ZNF280C: variants seen among roughly 807,000 people sequenced by gnomAD.
ZNF280C encodes suppressor of hairy wing homolog 3.
In ZNF280C, 14 loss-of-function variants were observed where a neutral mutation model predicts 53.6. The observed-to-expected ratio is 0.26, with a 90% CI of 0.17 to 0.41. ZNF280C has a LOEUF of 0.41. Among genes scored for constraint, ZNF280C ranks in the 10% least tolerant of loss-of-function variants. The pLI, the probability that ZNF280C is intolerant of heterozygous loss-of-function variation, is 1.00. For synonymous variants in ZNF280C, 203 were observed against 181.1 expected (o/e 1.12, Z -0.97); for missense variants, 416 against 547.1 (o/e 0.76, Z 2.39).
Position 130,236,279 on chromosome X carries a change from G to A in ZNF280C, c.706C>T (p.Leu236=). ...ACATTGCACTTTGGACAAGCTCTTA[G>A]GTAATCTGCTCCAGCATCATATGGA... ...SSPYDAGADY[L]RACPKCNVQF... Residue 236 remains leucine, a synonymous_variant, in exon 8 of 19, where the codon CTA becomes TTA. Coordinates refer to ENST00000370978, the MANE Select transcript of ZNF280C (RefSeq NM_017666.5). 8.3e-7 allele frequency: 1 copy of A among 1,206,971 alleles called. No homozygotes were observed. The highest frequency in any genetic ancestry group is 1.1e-6 in the Non-Finnish European group (1 of 892,943).
In ZNF280C at chrX:130,202,993, GTTT is replaced by G. The variant is rs1403464678; in HGVS notation, c.*1981_*1983del. 3 of 111,609 alleles carry G rather than the reference GTTT, an allele frequency of 2.7e-5. No homozygotes were observed. Among genetic ancestry groups the G allele is most frequent in the Non-Finnish European group, 5.6e-5 (3 of 53,168 alleles). 9.2% of individuals were successfully genotyped at this position (111,609 alleles called of 1,213,427 possible). A position where few individuals can be genotyped will look rare whatever the true frequency, so the allele number is the denominator to read the frequency against. On this transcript the variant is annotated 3_prime_UTR_variant, in exon 19 of 19. Transcript: ENST00000370978. ...GTATAGAAATGTAACTTTAAAACTT[GTTT>G]TAAGTTCTGTAAGAAGAGTTTTGCC... is the stretch of plus-strand genomic sequence containing the variant.
Position 130,218,776 on chromosome X carries a change from TTGTCTA to T in ZNF280C, c.1527+1567_1527+1572del, listed in dbSNP as rs1286468211. 5.2e-4 allele frequency among the ~76,000 whole-genome samples: 58 copies of T among 112,129 alleles called. 1 individual carries two copies. The highest frequency in any genetic ancestry group is 1.9e-3 in the African/African-American group (58 of 30,923). On this transcript the variant is annotated intron_variant, in intron 13 of 18. Coordinates refer to ENST00000370978, the MANE Select transcript of ZNF280C (RefSeq NM_017666.5). ...CTCTAATATGGGGATAATACTTGCCTTGTCTATATCACTGGATCACCACATAGGTTA... is the reference window on the plus strand; with the variant it reads ...CTCTAATATGGGGATAATACTTGCCTTATCACTGGATCACCACATAGGTTA...
At chrX:130,228,898 C>T in intron 10 of ZNF280C, 79 bp downstream of exon 10, 1 of 959,037 alleles carries the variant, frequency 1.0e-6, no homozygotes. Context: ...TTTTTTTCTG[C>T]CAGAATTTTT....
At chrX:130,262,338 C>G (rs2032639238) in intron 1 of ZNF280C, among the ~76,000 whole-genome samples, 2 of 112,340 alleles carry the variant, frequency 1.8e-5, no homozygotes, top group African/African-American at 6.5e-5. Context: ...TGGTTAGCGA[C>G]TACTATAGTG....
intron 9 of ZNF280C, 79 bp from the exon 10 acceptor site, chrX:130,229,213 A>G (rs1270789650): frequency 1.2e-5 from 11 of 953,381 alleles, no homozygotes; most frequent in African/African-American, 1.9e-5. Context: ...CTCTGAAAAT[A>G]AATTTTTAAA....
chrX:130,227,156 T>C (rs1427545567), intron 11 of ZNF280C, among the ~76,000 whole-genome samples: 21 of 111,410 alleles, frequency 1.9e-4, no homozygotes, highest in African/African-American at 6.8e-4. Flanking sequence ...CCACCCCCTA[T>C]CTTGATGTGA....
At chrX:130,248,439 A>G (rs760274751) in intron 2 of ZNF280C, among the ~76,000 whole-genome samples, 28 of 110,834 alleles carry the variant, frequency 2.5e-4, no homozygotes, top group African/African-American at 7.5e-4. Flanking sequence ...AGCTGCTTAG[A>G]GAAGTGGTAG....
chrX:130,235,577 T>A (rs1170243544), intron 8 of ZNF280C, among the ~76,000 whole-genome samples: 1 of 112,233 alleles, frequency 8.9e-6, no homozygotes, highest in Non-Finnish European at 1.9e-5. Flanking sequence ...TGAACTTAAT[T>A]AAAAAATTTA....
intron 6 of ZNF280C, among the ~76,000 whole-genome samples, chrX:130,237,330 G>T (rs1205527296): frequency 9.0e-6 from 1 of 111,191 alleles, no homozygotes; most frequent in East Asian, 2.8e-4. Flanking sequence ...AATCCAATGG[G>T]TCTATCTTAG....
chrX:130,244,174 C>A (rs1320684834), intron 3 of ZNF280C, among the ~76,000 whole-genome samples: 1 of 111,686 alleles, frequency 9.0e-6, no homozygotes, highest in East Asian at 2.8e-4. Context: ...CTAAATTAAA[C>A]CTGGAGTTCC....
intron 11 of ZNF280C, 39 bp downstream of exon 11, chrX:130,227,643 T>C (rs200227503): frequency 1.9e-5 from 19 of 978,304 alleles, no homozygotes; most frequent in East Asian, 6.1e-5. Context: ...ACATGAAAAT[T>C]AAACAAACAC....
At chrX:130,250,466 A>G (rs10482404) in intron 2 of ZNF280C, among the ~76,000 whole-genome samples, 2,096 of 112,280 alleles carry the variant, frequency 0.019, 49 homozygotes, top group African/African-American at 0.064. Flanking sequence ...CTGAACCCAG[A>G]AAAATACAAA....
chrX:130,253,995 T>C (rs916708642), intron 2 of ZNF280C, among the ~76,000 whole-genome samples: 1 of 111,779 alleles, frequency 8.9e-6, no homozygotes, highest in African/African-American at 3.3e-5. Context: ...GAGAAAAATT[T>C]TGCAAATCAT....
chrX:130,256,397 A>G (rs1338802057), intron 2 of ZNF280C, among the ~76,000 whole-genome samples: 1 of 111,983 alleles, frequency 8.9e-6, no homozygotes, highest in Non-Finnish European at 1.9e-5. Context: ...TTACCTGACA[A>G]GTTTCAGTGC....
intron 2 of ZNF280C, among the ~76,000 whole-genome samples, chrX:130,254,855 C>T (rs2032549097): frequency 9.1e-6 from 1 of 109,432 alleles, no homozygotes; most frequent in Admixed American, 9.8e-5. Flanking sequence ...CAACAAACCC[C>T]CAAGACATGA....
Position 130,220,497 on chromosome X carries a change from T to A in ZNF280C, c.1396-17A>T. ...TCCTTTTTTCTGTTTACAGAAAATATTAGATATAATAACTTCCACCACCAC... is the reference window on the plus strand; with the variant it reads ...TCCTTTTTTCTGTTTACAGAAAATAATAGATATAATAACTTCCACCACCAC... On this transcript the variant is annotated splice_polypyrimidine_tract_variant and intron_variant, in intron 12 of 18. Transcript: ENST00000370978. 3 of 1,171,645 alleles carry A rather than the reference T, an allele frequency of 2.6e-6. No individual in the cohort carries two copies. Among genetic ancestry groups the A allele is most frequent in the Non-Finnish European group, 3.4e-6 (3 of 875,826 alleles).
chrX:130,208,391 A>G (rs1196271521), intron 16 of ZNF280C, among the ~76,000 whole-genome samples: 1 of 111,672 alleles, frequency 9.0e-6, no homozygotes. Context: ...TGGCCTCCCA[A>G]AGTGCTGGGA....
chrX:130,210,620 G>C (rs1409708613), intron 15 of ZNF280C, among the ~76,000 whole-genome samples: 1 of 112,158 alleles, frequency 8.9e-6, no homozygotes, highest in Non-Finnish European at 1.9e-5. Flanking sequence ...AACATTTAAA[G>C]AGTCCTTTGC....
At chrX:130,223,986 A>AC (rs1380675852) in intron 12 of ZNF280C, among the ~76,000 whole-genome samples, 1 of 111,601 alleles carries the variant, frequency 9.0e-6, no homozygotes, top group Non-Finnish European at 1.9e-5. Context: ...ATAGAATCTT[A>AC]CCTCTTCACT....
Sources: allele counts gnomAD v4.1 joint callset (sites outside exome capture counted in the v4.1 genomes callset), GRCh38; gene constraint gnomAD v4.1.1; transcripts MANE v1.5; gene names NCBI Gene and HGNC (gene_info 2026-07-23, HGNC 2026-07-21).